Variants in RAPGEF4 observed in about 807,000 individuals in gnomAD.
RAPGEF4 encodes RAP guanine-nucleotide-exchange factor (GEF) 4.
RAPGEF4 carries 66 observed loss-of-function variants against 147.9 expected under a neutral mutation model. That is an observed-to-expected ratio of 0.45 (90% CI 0.37 to 0.55). The LOEUF is 0.55. RAPGEF4 is among the 20% of genes least tolerant of loss of function. The probability of loss-of-function intolerance (pLI) is 0.00; values close to 1 mark genes in which losing one functional copy is unlikely to be tolerated. For missense variants in RAPGEF4, 1,071 were observed against 1,257.3 expected (o/e 0.85, Z 2.24); for synonymous variants, 419 against 442.7 (o/e 0.95, Z 0.67).
intron 4 of RAPGEF4, among the ~76,000 whole-genome samples, chr2:172,842,083 T>C (rs1474945752): frequency 6.6e-6 from 1 of 152,164 alleles, no homozygotes; most frequent in Non-Finnish European, 1.5e-5. Flanking sequence ...ATATAGACCA[T>C]CTGTTATGTG....
chr2:172,952,869 A>C (rs149613977), intron 6 of RAPGEF4, among the ~76,000 whole-genome samples: 123 of 152,340 alleles, frequency 8.1e-4, no homozygotes, highest in African/African-American at 2.8e-3. Flanking sequence ...ACAATCTTAC[A>C]TTGTAAGTTA....
At chr2:172,960,835 G>A in intron 7 of RAPGEF4, 22 bp downstream of exon 7, 4 of 1,579,944 alleles carry the variant, frequency 2.5e-6, no homozygotes, top group Non-Finnish European at 3.5e-6. Flanking sequence ...TAGGTGGGTT[G>A]ATGAGCCATT....
At chr2:172,985,909 C>T (rs973776621) in intron 12 of RAPGEF4, among the ~76,000 whole-genome samples, 2 of 152,194 alleles carry the variant, frequency 1.3e-5, no homozygotes, top group African/African-American at 4.8e-5. Context: ...TTTAAACCAT[C>T]CTACTTTATT....
At chr2:173,026,785 C>T in intron 24 of RAPGEF4, 88 bp downstream of exon 24, 1 of 1,507,046 alleles carries the variant, frequency 6.6e-7, no homozygotes, top group Non-Finnish European at 9.0e-7. Context: ...CTAATATGTG[C>T]TACAATATGG....
intron 6 of RAPGEF4, among the ~76,000 whole-genome samples, chr2:172,930,378 C>A (rs1685792444): frequency 6.6e-6 from 1 of 152,090 alleles, no homozygotes; most frequent in African/African-American, 2.4e-5. Context: ...GAGTTTCCCC[C>A]TATTTTACTT....
rs551664694 is a variant in RAPGEF4, at chr2:172,777,248, A to G, written c.66-17777A>G. On this transcript the variant is annotated intron_variant, in intron 1 of 30. Transcript: ENST00000397081. Reference sequence around the variant, plus strand: ...TGCCTGTGTTCCAGAAAGTGTTTCTAGGCAAAATAACAAATAAAAAAGGTA... The same window carrying G: ...TGCCTGTGTTCCAGAAAGTGTTTCTGGGCAAAATAACAAATAAAAAAGGTA... 2.9e-4 allele frequency among the ~76,000 whole-genome samples: 44 copies of G among 152,254 alleles called. 1 individual carries two copies. The South Asian group carries it at 8.9e-3, about 31-fold the overall frequency.
intron 4 of RAPGEF4, among the ~76,000 whole-genome samples, chr2:172,854,647 T>C (rs1051202805): frequency 2.0e-5 from 3 of 152,144 alleles, no homozygotes; most frequent in Admixed American, 6.6e-5. Context: ...TATGCTTTTT[T>C]ATTCCTCTCT....
intron 4 of RAPGEF4, among the ~76,000 whole-genome samples, chr2:172,831,479 G>A (rs1690349423): frequency 6.6e-6 from 1 of 151,522 alleles, no homozygotes; most frequent in Admixed American, 6.6e-5. Context: ...ATGTTGGCCA[G>A]GTTGGTCTCG....
rs1684892657 is a variant in RAPGEF4 at position 173,042,528 on chromosome 2, C to A, written c.2853+5836C>A. Reference sequence around the variant, plus strand: ...ATCCCAGCTATTCAGGAGGCTGAGGCAGGAGAATTGCTTGAACCCAGGTGG... The same window carrying A: ...ATCCCAGCTATTCAGGAGGCTGAGGAAGGAGAATTGCTTGAACCCAGGTGG... On this transcript the variant is annotated intron_variant, in intron 29 of 30. Coordinates refer to ENST00000397081, the MANE Select transcript of RAPGEF4 (RefSeq NM_007023.4). The surrounding 1 kb of genome is among the most constrained non-coding windows in gnomAD (Gnocchi z 4.2). 6.6e-6 allele frequency among the ~76,000 whole-genome samples: 1 copy of A among 151,940 alleles called. No homozygotes were observed. The highest frequency in any genetic ancestry group is 1.9e-4 in the East Asian group (1 of 5,170).
At chr2:172,946,852 G>A (rs1369046686) in intron 6 of RAPGEF4, among the ~76,000 whole-genome samples, 1 of 152,186 alleles carries the variant, frequency 6.6e-6, no homozygotes, top group African/African-American at 2.4e-5. Context: ...AGCCCCACCT[G>A]CTGATTTATC....
At chr2:172,995,746 A>T (rs903250392) in intron 15 of RAPGEF4, among the ~76,000 whole-genome samples, 2 of 152,224 alleles carry the variant, frequency 1.3e-5, no homozygotes, top group Admixed American at 6.5e-5. Context: ...ATGCAACTTA[A>T]AAAATAAATC....
chr2:172,786,944 C>T (rs915779707), intron 1 of RAPGEF4, among the ~76,000 whole-genome samples: 1 of 151,960 alleles, frequency 6.6e-6, no homozygotes, highest in Non-Finnish European at 1.5e-5. Flanking sequence ...AAGCAGTGGC[C>T]CACATCTGTA....
intron 6 of RAPGEF4, among the ~76,000 whole-genome samples, chr2:172,940,791 A>G (rs1687069242): frequency 1.3e-5 from 2 of 152,170 alleles, no homozygotes; most frequent in Non-Finnish European, 2.9e-5. Flanking sequence ...ATTGGGATTC[A>G]TTGGATCTAT....
At chr2:172,960,267 C>T (rs749105668) in intron 6 of RAPGEF4, among the ~76,000 whole-genome samples, 5 of 152,022 alleles carry the variant, frequency 3.3e-5, no homozygotes, top group African/African-American at 4.8e-5. Flanking sequence ...GCCAAGAAGT[C>T]GCATTTAAAA....
chr2:172,956,466 C>CTT (rs1575365181), intron 6 of RAPGEF4, among the ~76,000 whole-genome samples: 1 of 114,550 alleles, frequency 8.7e-6, no homozygotes, highest in Non-Finnish European at 1.9e-5. Context: ...TACAAAGTTT[C>CTT]TTTTTCTTTT....
At chr2:173,016,312 G>A in intron 18 of RAPGEF4, 37 bp from the exon 19 acceptor site, 2 of 1,454,902 alleles carry the variant, frequency 1.4e-6, no homozygotes, top group Non-Finnish European at 1.9e-6. Context: ...GCCTTTTGCA[G>A]TTCTTGTTAA....
Position 173,013,840 on chromosome 2 carries a change from A to G in RAPGEF4, c.1659-624A>G, listed in dbSNP as rs182761270. ...AGTAAGGTAAGTCATGGTTCTACAC[A>G]AGAGAAGAAGATATGGTGTAAAAAT... On this transcript the variant is annotated intron_variant, in intron 17 of 30. Coordinates refer to ENST00000397081, the MANE Select transcript of RAPGEF4 (RefSeq NM_007023.4). Among the ~76,000 whole-genome samples, 171 of 152,308 alleles carry G rather than the reference A, an allele frequency of 1.1e-3. 2 individuals are homozygous for G. In the East Asian group the frequency reaches 0.014, roughly 12 times the overall value.
chr2:172,797,378 A>T (rs1686479940), intron 2 of RAPGEF4, 147 bp from the exon 3 acceptor site: 6 of 593,950 alleles, frequency 1.0e-5, no homozygotes, highest in Non-Finnish European at 1.8e-5. Context: ...AAAGAAAAAC[A>T]TGTTATGTTC....
intron 4 of RAPGEF4, among the ~76,000 whole-genome samples, chr2:172,868,366 A>G (rs142438747): frequency 1.2e-4 from 18 of 152,370 alleles, no homozygotes; most frequent in African/African-American, 3.4e-4. Context: ...GGAAAGTATG[A>G]GTCCTGTATT....
Sources: gnomAD v4.1 joint callset for allele counts (sites outside exome capture counted in the v4.1 genomes callset) on GRCh38, gnomAD v4.1.1 for gene constraint, Gnocchi (gnomAD v3.1) non-coding constraint, MANE v1.5 for transcripts, NCBI Gene and HGNC (gene_info 2026-07-23, HGNC 2026-07-21) for gene names.